Variants in C8orf34 observed in about 807,000 individuals in gnomAD.
C8orf34 encodes uncharacterized protein C8orf34.
In C8orf34, 65 loss-of-function variants were observed where a neutral mutation model predicts 68.3. The ratio of observed to expected loss-of-function variants is 0.95; its 90% CI spans 0.78 to 1.17. The LOEUF is 1.17. C8orf34 is among the 50% of genes most tolerant of loss of function. C8orf34 has a pLI of 0.00. For missense variants in C8orf34, 664 were observed against 655.4 expected (o/e 1.01, Z -0.14); for synonymous variants, 244 against 241.2 (o/e 1.01, Z -0.11).
chr8:68,768,198 G>A (rs555498964), intron 10 of C8orf34, among the ~76,000 whole-genome samples: 7 of 152,262 alleles, frequency 4.6e-5, no homozygotes, highest in Admixed American at 3.3e-4. Context: ...TTGTTTATGA[G>A]TCATTTTGCA....
chr8:68,425,857 A>G (rs1439758715), intron 1 of C8orf34, among the ~76,000 whole-genome samples: 1 of 152,182 alleles, frequency 6.6e-6, no homozygotes, highest in Non-Finnish European at 1.5e-5. Flanking sequence ...ACAAAACATA[A>G]TAGATATACA....
chr8:68,761,828 C>T (rs1823032716), intron 10 of C8orf34, among the ~76,000 whole-genome samples: 1 of 152,140 alleles, frequency 6.6e-6, no homozygotes, highest in Admixed American at 6.5e-5. Context: ...TTCTCCCCTG[C>T]CTCCTTTTTT....
At chr8:68,390,723 A>G (rs368898697) in intron 1 of C8orf34, among the ~76,000 whole-genome samples, 3 of 152,162 alleles carry the variant, frequency 2.0e-5, no homozygotes, top group East Asian at 3.9e-4. Flanking sequence ...AATGGAGATG[A>G]AGGTTACCTT....
At chr8:68,712,003 C>T (rs188392511) in intron 9 of C8orf34, among the ~76,000 whole-genome samples, 113 of 152,296 alleles carry the variant, frequency 7.4e-4, no homozygotes, top group Non-Finnish European at 1.1e-3. Flanking sequence ...AGAAACCCTA[C>T]AACCCAGAAG....
At chr8:68,340,813 C>G (rs1033515457) in intron 1 of C8orf34, among the ~76,000 whole-genome samples, 2 of 152,152 alleles carry the variant, frequency 1.3e-5, no homozygotes, top group Non-Finnish European at 2.9e-5. Flanking sequence ...TAGTTTTACC[C>G]TTTTGCCAAA....
chr8:68,357,138 AT>A (rs1357441154), intron 1 of C8orf34, among the ~76,000 whole-genome samples: 8 of 152,136 alleles, frequency 5.3e-5, no homozygotes. Flanking sequence ...TGTATAAAAA[AT>A]ATAATCGTCT....
chr8:68,534,633 C>T, intron 7 of C8orf34: 13 of 985,498 alleles, frequency 1.3e-5, no homozygotes, highest in Non-Finnish European at 1.4e-5. Context: ...GTAAGCTCAG[C>T]AGGTGGGGTG....
intron 4 of C8orf34, among the ~76,000 whole-genome samples, chr8:68,479,537 G>A (rs1005792650): frequency 6.6e-6 from 1 of 152,128 alleles, no homozygotes; most frequent in African/African-American, 2.4e-5. Flanking sequence ...AGGAGAGGGA[G>A]AGAAGATAAT....
intron 7 of C8orf34, among the ~76,000 whole-genome samples, chr8:68,631,569 T>A (rs1381317510): frequency 6.6e-6 from 1 of 152,218 alleles, no homozygotes; most frequent in Non-Finnish European, 1.5e-5. Context: ...CTACATCATA[T>A]TAGATGCATA....
chr8:68,721,306 G>T lies in C8orf34; in HGVS notation c.1328-55G>T, dbSNP rs922048786. ...TCTCACAACAGGTTTATATATCAGA[G>T]AATTAATAAGCAATATGTGAGTATA... On this transcript the variant is annotated intron_variant, in intron 9 of 13. Coordinates refer to ENST00000518698, the MANE Select transcript of C8orf34 (RefSeq NM_052958.4). 73 of 1,150,476 alleles carry T rather than the reference G, an allele frequency of 6.3e-5. No individual in the cohort carries two copies. The African/African-American group carries it at 8.6e-4, about 14-fold the overall frequency. 71.3% of individuals were successfully genotyped at this position (1,150,476 alleles called of 1,614,324 possible). A position where few individuals can be genotyped will look rare whatever the true frequency, so the allele number is the denominator to read the frequency against.
At chr8:68,803,482 G>C (rs1043006710) in intron 12 of C8orf34, among the ~76,000 whole-genome samples, 5 of 151,666 alleles carry the variant, frequency 3.3e-5, no homozygotes, top group African/African-American at 1.2e-4. Flanking sequence ...TGAAACGTAA[G>C]AAAAATTTCT....
At chr8:68,409,310 A>T (rs1264460485) in intron 1 of C8orf34, among the ~76,000 whole-genome samples, 1 of 152,182 alleles carries the variant, frequency 6.6e-6, no homozygotes, top group Non-Finnish European at 1.5e-5. Flanking sequence ...AAAGGAGATG[A>T]CAGCCCCATG....
intron 3 of C8orf34, among the ~76,000 whole-genome samples, chr8:68,461,318 G>A (rs1196278674): frequency 6.6e-6 from 1 of 152,194 alleles, no homozygotes; most frequent in East Asian, 1.9e-4. Context: ...CATCTGATTG[G>A]TGTACCTGAA....
chr8:68,439,599 G>T lies in C8orf34; in HGVS notation c.428G>T (p.Arg143Ile), dbSNP rs1327430793. ...SKQGNRGQLQ[R>I]TLSGSAALWA... ...CAAGGGAACCGTGGACAACTTCAAA[G>T]AACTTTGTCTGGATCTGCAGCTCTA... Residue 143 changes from arginine (R) to isoleucine (I), a missense_variant, in exon 2 of 14, where the codon AGA (arginine) becomes ATA (isoleucine). Coordinates refer to ENST00000518698, the MANE Select transcript of C8orf34 (RefSeq NM_052958.4). The T allele has an allele frequency of 1.2e-6, 2 of 1,613,438 alleles. No individual in the cohort carries two copies. Among genetic ancestry groups the T allele is most frequent in the Non-Finnish European group, 8.5e-7 (1 of 1,179,698 alleles).
rs557521812 is a variant in C8orf34, at chr8:68,713,126, G to A, written c.1327+4047G>A. Reference sequence around the variant, plus strand: ...AATTAAAAAGTTCTTTGAACTGAACGATAATAGTAACATAACCTATCAAAA... The same window carrying A: ...AATTAAAAAGTTCTTTGAACTGAACAATAATAGTAACATAACCTATCAAAA... On this transcript the variant is annotated intron_variant, in intron 9 of 13. Transcript: ENST00000518698. Among the ~76,000 whole-genome samples the A allele has an allele frequency of 1.2e-3, 183 of 152,142 alleles. 1 individual carries two copies. Among genetic ancestry groups the A allele is most frequent in the African/African-American group, 1.8e-3 (74 of 41,550 alleles).
intron 1 of C8orf34, among the ~76,000 whole-genome samples, chr8:68,405,542 G>A (rs1195911861): frequency 2.6e-5 from 4 of 152,140 alleles, no homozygotes; most frequent in African/African-American, 9.7e-5. Flanking sequence ...TACAGTTACT[G>A]TGTCACTTAA....
At chr8:68,430,094 G>A (rs1428632376) in intron 1 of C8orf34, among the ~76,000 whole-genome samples, 1 of 152,044 alleles carries the variant, frequency 6.6e-6, no homozygotes, top group African/African-American at 2.4e-5. Flanking sequence ...TCCTAAGATG[G>A]GAGAGAGGCT....
intron 8 of C8orf34, among the ~76,000 whole-genome samples, chr8:68,694,674 C>T (rs963801058): frequency 1.3e-5 from 2 of 151,938 alleles, no homozygotes; most frequent in African/African-American, 2.4e-5. Context: ...TGAATAGGAA[C>T]GAATAGTGAA....
chr8:68,396,741 A>T (rs938381343), intron 1 of C8orf34, among the ~76,000 whole-genome samples: 1 of 143,092 alleles, frequency 7.0e-6, no homozygotes, highest in Middle Eastern at 3.6e-3. Context: ...AAAAAAAAAA[A>T]GCCTGGTGCC....
Sources: allele counts gnomAD v4.1 joint callset (sites outside exome capture counted in the v4.1 genomes callset), GRCh38; gene constraint gnomAD v4.1.1; transcripts MANE v1.5; gene names NCBI Gene and HGNC (gene_info 2026-07-23, HGNC 2026-07-21).